Variants in POFUT3 observed in about 807,000 individuals in gnomAD.
POFUT3 encodes protein O-fucosyltransferase 3, also known as GDP-fucose protein O-fucosyltransferase 3.
chr8:33,335,692 TA>T, the POFUT3 span, among the ~76,000 whole-genome samples: 2 of 152,182 alleles, frequency 1.3e-5, no homozygotes, highest in Non-Finnish European at 2.9e-5. Flanking sequence ...ACCAATAACA[TA>T]AACAGCCAAT....
At chr8:33,430,750 A>T in the POFUT3 span, among the ~76,000 whole-genome samples, 4 of 152,160 alleles carry the variant, frequency 2.6e-5, no homozygotes, top group Non-Finnish European at 5.9e-5. Flanking sequence ...CTGGGATTAC[A>T]GGCATGCGCC....
the POFUT3 span, among the ~76,000 whole-genome samples, chr8:33,433,881 T>C: frequency 6.6e-6 from 1 of 150,754 alleles, no homozygotes; most frequent in South Asian, 2.1e-4. Flanking sequence ...AGTGGGAGGA[T>C]CGCTTGGGCC....
chr8:33,382,017 GCATAGTGGCTAACA>G, the POFUT3 span, among the ~76,000 whole-genome samples: 1 of 152,138 alleles, frequency 6.6e-6, no homozygotes, highest in East Asian at 1.9e-4. Context: ...AATAGGCTGG[GCATAGTGGCTAACA>G]CACGCAATCC....
the POFUT3 span, among the ~76,000 whole-genome samples, chr8:33,378,688 G>A: frequency 4.6e-5 from 7 of 152,156 alleles, no homozygotes; most frequent in Non-Finnish European, 1.0e-4. Flanking sequence ...AGCAATGCAG[G>A]AATTGCTAAA....
chr8:33,309,138 T>TAAAAAAAAAAAAAAA, the POFUT3 span, among the ~76,000 whole-genome samples: 1 of 41,696 alleles, frequency 2.4e-5, no homozygotes, highest in Non-Finnish European at 4.5e-5. Flanking sequence ...CTGGGGAGTG[T>TAAAAAAAAAAAAAAA]AAAAAAAAAA....
the POFUT3 span, among the ~76,000 whole-genome samples, chr8:33,383,640 T>C: frequency 6.6e-6 from 1 of 151,802 alleles, no homozygotes; most frequent in Admixed American, 6.6e-5. Flanking sequence ...CTCTACTAAA[T>C]ATACAAAAAT....
the POFUT3 span, among the ~76,000 whole-genome samples, chr8:33,416,830 C>CAAAAA: frequency 3.2e-4 from 14 of 43,758 alleles, no homozygotes; most frequent in East Asian, 7.4e-4. Flanking sequence ...TGGGCGACGA[C>CAAAAA]AAAAAAAAAA....
At chr8:33,455,690 T>A in the POFUT3 span, 42 of 401,694 alleles carry the variant, frequency 1.0e-4, no homozygotes, top group African/African-American at 5.9e-4. Context: ...TTTCTATGTG[T>A]TAACTGCTCC....
the POFUT3 span, among the ~76,000 whole-genome samples, chr8:33,396,772 C>T: frequency 4.0e-4 from 61 of 152,300 alleles, no homozygotes; most frequent in African/African-American, 1.4e-3. Context: ...CAGGTAACCA[C>T]AAAGAATAAT....
the POFUT3 span, among the ~76,000 whole-genome samples, chr8:33,405,246 T>C: frequency 6.6e-6 from 1 of 152,028 alleles, no homozygotes; most frequent in Admixed American, 6.6e-5. Context: ...TGAGCCGAGA[T>C]TGTGCCACTG....
At chr8:33,454,148 T>C in the POFUT3 span, among the ~76,000 whole-genome samples, 1 of 152,118 alleles carries the variant, frequency 6.6e-6, no homozygotes. Flanking sequence ...AATCAATCAA[T>C]AAATCACAAA....
At chr8:33,388,796 A>G in the POFUT3 span, 3 of 629,354 alleles carry the variant, frequency 4.8e-6, no homozygotes, top group Non-Finnish European at 8.4e-6. Flanking sequence ...ACTTTACGAC[A>G]GTCCCAAAAG....
the POFUT3 span, among the ~76,000 whole-genome samples, chr8:33,472,419 C>CA: frequency 5.3e-5 from 8 of 152,104 alleles, no homozygotes; most frequent in Non-Finnish European, 7.4e-5. Context: ...CTATAGTTTA[C>CA]AAAAAATGAG....
the POFUT3 span, among the ~76,000 whole-genome samples, chr8:33,415,872 C>T: frequency 1.3e-5 from 2 of 152,180 alleles, no homozygotes; most frequent in Non-Finnish European, 2.9e-5. Flanking sequence ...ATCAGCCTCC[C>T]GCTAGAAGCC....
chr8:33,445,890 C>T, the POFUT3 span, among the ~76,000 whole-genome samples: 3 of 152,060 alleles, frequency 2.0e-5, no homozygotes, highest in Non-Finnish European at 4.4e-5. Flanking sequence ...CAGAAACCAC[C>T]TCAGAATAAA....
At chr8:33,423,437 A>G in the POFUT3 span, among the ~76,000 whole-genome samples, 1 of 151,406 alleles carries the variant, frequency 6.6e-6, no homozygotes, top group African/African-American at 2.4e-5. Context: ...CCCAGCTAAT[A>G]TTTCAAATTT....
chr8:33,439,089 T>C, the POFUT3 span, among the ~76,000 whole-genome samples: 2 of 152,206 alleles, frequency 1.3e-5, no homozygotes, highest in African/African-American at 4.8e-5. Flanking sequence ...CAGGACACCA[T>C]CATTTCCACT....
the POFUT3 span, among the ~76,000 whole-genome samples, chr8:33,460,490 T>C: frequency 6.6e-6 from 1 of 152,240 alleles, no homozygotes; most frequent in Admixed American, 6.5e-5. Context: ...GAAGCACATG[T>C]CAAGATTTAC....
chr8:33,438,542 C>T, the POFUT3 span, among the ~76,000 whole-genome samples: 1 of 152,184 alleles, frequency 6.6e-6, no homozygotes, highest in Non-Finnish European at 1.5e-5. Context: ...GCATTGTTTG[C>T]ACCATTGCAC....
Sources: gnomAD v4.1 joint callset for allele counts (sites outside exome capture counted in the v4.1 genomes callset) on GRCh38, gnomAD v4.1.1 for gene constraint, MANE v1.5 for transcripts, NCBI Gene and HGNC (gene_info 2026-07-23, HGNC 2026-07-21) for gene names.